The following OTUD7B variants were observed in gnomAD, a reference collection of about 807,000 sequenced individuals.
The protein encoded by OTUD7B is OTU domain-containing protein 7B.
Under a neutral mutation model 82.2 loss-of-function variants are expected in OTUD7B, and 34 were observed. That is an observed-to-expected ratio of 0.41 (90% confidence interval 0.31 to 0.55). OTUD7B has a LOEUF of 0.55. Ranked by LOEUF, OTUD7B falls within the 20% of genes least tolerant of loss-of-function variation. The probability of loss-of-function intolerance (pLI) is 0.20; values close to 1 mark genes in which losing one functional copy is unlikely to be tolerated. For synonymous variants in OTUD7B, 398 were observed against 402.7 expected (o/e 0.99, Z 0.14); for missense variants, 944 against 1,062.1 (o/e 0.89, Z 1.55).
chr1:149,966,522 G>A (rs1649529756), intron 4 of OTUD7B, among the ~76,000 whole-genome samples: 1 of 152,124 alleles, frequency 6.6e-6, no homozygotes, highest in African/African-American at 2.4e-5. Flanking sequence ...ATAAGATAAA[G>A]TACATAAAAT....
the OTUD7B span, among the ~76,000 whole-genome samples, chr1:150,062,774 G>C: frequency 7.3e-6 from 1 of 136,914 alleles, no homozygotes; most frequent in Non-Finnish European, 1.5e-5. Context: ...CTGCAATGGC[G>C]CGCGATCTCG....
upstream of OTUD7B, among the ~76,000 whole-genome samples, chr1:150,011,469 T>C (rs1246143004): frequency 1.3e-5 from 2 of 152,324 alleles, no homozygotes; most frequent in African/African-American, 4.8e-5. Flanking sequence ...TTTTACAATT[T>C]AGTAAAATAC....
chr1:150,053,453 G>A, the OTUD7B span, among the ~76,000 whole-genome samples: 2 of 150,588 alleles, frequency 1.3e-5, no homozygotes, highest in Non-Finnish European at 2.9e-5. Context: ...CTGTAGTGCA[G>A]TGGCACACTC....
intron 1 of OTUD7B, among the ~76,000 whole-genome samples, chr1:149,997,287 A>G (rs1156406658): frequency 6.6e-6 from 1 of 152,256 alleles, no homozygotes; most frequent in African/African-American, 2.4e-5. Flanking sequence ...CAAATACAAA[A>G]GATCTAAGGC....
intron 1 of OTUD7B, among the ~76,000 whole-genome samples, chr1:149,982,797 T>C (rs587596866): frequency 2.0e-5 from 3 of 148,676 alleles, no homozygotes; most frequent in South Asian, 4.3e-4. Context: ...TCAAACATTT[T>C]ACTCTGGCCA....
chr1:149,946,278 G>C (rs587709019), intron 11 of OTUD7B, among the ~76,000 whole-genome samples: 1 of 150,908 alleles, frequency 6.6e-6, no homozygotes, highest in Non-Finnish European at 1.5e-5. Context: ...CAGGAGAATC[G>C]CTTGAACCCA....
In OTUD7B at chr1:149,974,798, C is replaced by T. The variant is rs376353498; in HGVS notation, c.85+2628G>A. Reference sequence around the variant, plus strand: ...CTCCTGAACTCAGGTGATCCGCCTGCCTCAGCCTCTCAAAGTGTTAGGATT... The same window carrying T: ...CTCCTGAACTCAGGTGATCCGCCTGTCTCAGCCTCTCAAAGTGTTAGGATT... On this transcript the variant is annotated intron_variant, in intron 2 of 11. Transcript: ENST00000581312. Among the ~76,000 whole-genome samples, 3 of 151,960 alleles carry T rather than the reference C, an allele frequency of 2.0e-5. 1 individual carries two copies. The highest frequency in any genetic ancestry group is 7.2e-5 in the African/African-American group (3 of 41,384).
At chr1:149,996,233 T>G (rs1442266940) in intron 1 of OTUD7B, among the ~76,000 whole-genome samples, 1 of 152,220 alleles carries the variant, frequency 6.6e-6, no homozygotes, top group Non-Finnish European at 1.5e-5. Context: ...CAGGTCACAC[T>G]GTCCAGTTTA....
At chr1:150,027,494 G>A in the OTUD7B span, among the ~76,000 whole-genome samples, 1 of 152,140 alleles carries the variant, frequency 6.6e-6, no homozygotes, top group Non-Finnish European at 1.5e-5. Context: ...GGCTGAGGCA[G>A]GAGAATCGGT....
Position 149,944,495 on chromosome 1 carries a change from G to C in OTUD7B, c.1894C>G (p.Leu632Val), listed in dbSNP as rs782595933. 6.2e-7 allele frequency: 1 copy of C among 1,614,104 alleles called. No homozygotes were observed. Among genetic ancestry groups the C allele is most frequent in the Non-Finnish European group, 8.5e-7 (1 of 1,180,018 alleles). The change falls in exon 12 of 12, where the codon CTT (leucine) becomes GTT (valine). Residue 632 changes from leucine (L) to valine (V), a missense_variant. By Grantham distance (32) the Leu-to-Val change is conservative. This residue lies in a region of OTUD7B where 412 missense variants were observed against 418.7 expected (regional missense o/e 0.98). Coordinates refer to ENST00000581312, the MANE Select transcript of OTUD7B (RefSeq NM_020205.4). ...QYQEEMIQRY[L>V]SDAEERFLAE... ...AGGAATCTCTCCTCAGCATCAGAAA[G>C]GTAGCGCTGGATCATTTCCTCCTGA...
upstream of OTUD7B, among the ~76,000 whole-genome samples, chr1:150,012,179 A>T (rs1465881970): frequency 6.6e-6 from 1 of 152,184 alleles, no homozygotes; most frequent in Non-Finnish European, 1.5e-5. Context: ...GGAGAGCAGG[A>T]TGAGATTTGG....
chr1:150,056,232 C>T, the OTUD7B span, among the ~76,000 whole-genome samples: 1 of 151,986 alleles, frequency 6.6e-6, no homozygotes, highest in Non-Finnish European at 1.5e-5. Context: ...TATCTAACAC[C>T]AAGAGCAGCC....
At chr1:150,015,629 G>T (rs925322980), upstream of OTUD7B, among the ~76,000 whole-genome samples, 3 of 152,036 alleles carry the variant, frequency 2.0e-5, no homozygotes, top group Admixed American at 6.6e-5. Flanking sequence ...TTATTTCATG[G>T]ATGTTTTCTC....
intron 1 of OTUD7B, among the ~76,000 whole-genome samples, chr1:149,981,114 A>G (rs1195787345): frequency 2.1e-5 from 3 of 142,330 alleles, no homozygotes; most frequent in South Asian, 2.4e-4. Context: ...GAAGAGGAGG[A>G]GGAGGGGGAG....
chr1:149,967,446 T>C lies in OTUD7B; in HGVS notation c.350A>G (p.Asn117Ser), dbSNP rs1052860006. Residue 117 changes from asparagine (N) to serine (S), a missense_variant, in exon 4 of 12, where the codon AAT (asparagine) becomes AGT (serine). Physicochemically the swap from Asn to Ser is conservative, Grantham distance 46. This residue lies in a region of OTUD7B where 530 missense variants were observed against 625.6 expected (regional missense o/e 0.85). Transcript: ENST00000581312. ...VSLARSHVSS[N>S]GGGGGSNEHP... ...CTCATTGCTCCCCCCACCCCCACCA[T>C]TGGAGGAGACATGGGACCGGGCCAG... is the stretch of plus-strand genomic sequence containing the variant. 6.2e-7 allele frequency: 1 copy of C among 1,613,990 alleles called. No homozygotes were observed. Among genetic ancestry groups the C allele is most frequent in the Non-Finnish European group, 8.5e-7 (1 of 1,179,942 alleles).
the OTUD7B span, among the ~76,000 whole-genome samples, chr1:150,059,146 C>G: frequency 6.7e-6 from 1 of 148,888 alleles, no homozygotes; most frequent in African/African-American, 2.5e-5. Context: ...CTCTGCCGCC[C>G]AGGTTCAAGC....
At chr1:150,032,051 C>T in the OTUD7B span, among the ~76,000 whole-genome samples, 1 of 152,098 alleles carries the variant, frequency 6.6e-6, no homozygotes, top group African/African-American at 2.4e-5. Flanking sequence ...TGGCTCATGC[C>T]TGTAATCCCA....
rs1190788719 is a variant in OTUD7B, at chr1:149,942,909, T to C, written c.*948A>G. 1 of 152,568 alleles carries C rather than the reference T, an allele frequency of 6.6e-6. No homozygotes were observed. The highest frequency in any genetic ancestry group is 2.4e-5 in the African/African-American group (1 of 41,422). The allele number at this position is 152,568 out of a possible 1,614,324, so 9.5% of individuals were successfully genotyped here. On this transcript the variant is annotated 3_prime_UTR_variant, in exon 12 of 12. Coordinates refer to ENST00000581312, the MANE Select transcript of OTUD7B (RefSeq NM_020205.4). ...CAGCAGCCACAGAGGCCTGTAATGC[T>C]CTACTTAGGTTTTTGGTTTTGTTTG...
chr1:150,027,966 A>C, the OTUD7B span, among the ~76,000 whole-genome samples: 1 of 152,236 alleles, frequency 6.6e-6, no homozygotes, highest in Non-Finnish European at 1.5e-5. Flanking sequence ...AAGCTTTCTG[A>C]AGTATCCAAA....
Sources: gnomAD v4.1 joint callset for allele counts (sites outside exome capture counted in the v4.1 genomes callset) on GRCh38, gnomAD v4.1.1 for gene constraint, gnomAD v4.1.1 regional missense constraint, MANE v1.5 for transcripts, NCBI Gene and HGNC (gene_info 2026-07-23, HGNC 2026-07-21) for gene names.